RNGTT: variants seen among roughly 807,000 people sequenced by gnomAD.
The protein encoded by RNGTT is mRNA-capping enzyme.
Under a neutral mutation model 79.3 loss-of-function variants are expected in RNGTT, and 33 were observed. That is an observed-to-expected ratio of 0.42 (90% CI 0.32 to 0.56). The LOEUF (loss-of-function observed/expected upper bound fraction) is 0.56. RNGTT is among the 20% of genes least tolerant of loss of function. The probability of loss-of-function intolerance (pLI) is 0.17; values close to 1 mark genes in which losing one functional copy is unlikely to be tolerated. For missense variants in RNGTT, 497 were observed against 739.1 expected, an observed-to-expected ratio of 0.67 and a Z score of 3.80; for synonymous variants, 222 against 235.9, an observed-to-expected ratio of 0.94 and a Z score of 0.54.
intron 8 of RNGTT, among the ~76,000 whole-genome samples, chr6:88,861,536 C>T (rs1199756004): frequency 6.6e-6 from 1 of 151,940 alleles, no homozygotes; most frequent in Non-Finnish European, 1.5e-5. Flanking sequence ...TCTTTCAACT[C>T]TTTTTTTTAA....
intron 8 of RNGTT, among the ~76,000 whole-genome samples, chr6:88,873,314 A>G (rs2127922287): frequency 6.6e-6 from 1 of 152,306 alleles, no homozygotes; most frequent in Admixed American, 6.5e-5. Context: ...GAGAAAGATA[A>G]CTTTAAATAT....
chr6:88,771,190 T>A (rs1778645694), intron 12 of RNGTT, among the ~76,000 whole-genome samples: 1 of 150,974 alleles, frequency 6.6e-6, no homozygotes, highest in South Asian at 2.1e-4. Flanking sequence ...TCATTACAAT[T>A]TTCTACTATG....
chr6:88,742,271 C>A (rs1057260418), intron 13 of RNGTT, among the ~76,000 whole-genome samples: 2 of 152,144 alleles, frequency 1.3e-5, no homozygotes, highest in African/African-American at 4.8e-5. Context: ...AGAGAGAAAT[C>A]ACAGACAACT....
chr6:88,919,553 C>G (rs1375355219), intron 4 of RNGTT, among the ~76,000 whole-genome samples: 1 of 151,970 alleles, frequency 6.6e-6, no homozygotes, highest in African/African-American at 2.4e-5. Context: ...GTCTTGAACT[C>G]CTGGGCTCAA....
chr6:88,752,154 T>A (rs1476024835), intron 13 of RNGTT, among the ~76,000 whole-genome samples: 1 of 152,120 alleles, frequency 6.6e-6, no homozygotes, highest in East Asian at 1.9e-4. Context: ...GAAGCTGTCA[T>A]ATGCTAGAGG....
intron 7 of RNGTT, 107 bp from the exon 8 acceptor site, chr6:88,890,703 A>C (rs1783021998): frequency 1.6e-6 from 1 of 606,590 alleles, no homozygotes; most frequent in Admixed American, 3.4e-5. Context: ...TGTTCTCCCT[A>C]TGATGAGATT....
chr6:88,881,313 G>A (rs1027886563), intron 8 of RNGTT, among the ~76,000 whole-genome samples: 3 of 152,126 alleles, frequency 2.0e-5, no homozygotes, highest in African/African-American at 7.2e-5. Flanking sequence ...GGGGCAGGGG[G>A]CAGAGGGAGT....
chr6:88,730,343 T>C (rs1373216632), intron 13 of RNGTT, among the ~76,000 whole-genome samples: 1 of 152,086 alleles, frequency 6.6e-6, no homozygotes, highest in African/African-American at 2.4e-5. Flanking sequence ...ATTAGCCAAT[T>C]GGAATTAGTT....
At chr6:88,887,047 TAAAAA>T (rs754717516) in intron 8 of RNGTT, among the ~76,000 whole-genome samples, 4 of 83,492 alleles carry the variant, frequency 4.8e-5, no homozygotes, top group African/African-American at 1.3e-4. Flanking sequence ...ACAATTTCTT[TAAAAA>T]AAAAAAAAAA....
At chr6:88,621,652 C>T (rs1772446945) in intron 14 of RNGTT, among the ~76,000 whole-genome samples, 1 of 151,730 alleles carries the variant, frequency 6.6e-6, no homozygotes. Context: ...GGCATCTATT[C>T]CAGCACCACA....
At chr6:88,633,978 C>T (rs1582258329) in intron 14 of RNGTT, among the ~76,000 whole-genome samples, 3 of 152,270 alleles carry the variant, frequency 2.0e-5, no homozygotes, top group African/African-American at 7.2e-5. Context: ...CCTATTGCAT[C>T]ATATTCATCA....
intron 13 of RNGTT, among the ~76,000 whole-genome samples, chr6:88,718,664 T>C (rs1776605509): frequency 6.6e-6 from 1 of 152,078 alleles, no homozygotes. Flanking sequence ...ATTTTATTTC[T>C]TATTTGTATT....
At chr6:88,783,513 T>C (rs1779130576) in intron 12 of RNGTT, among the ~76,000 whole-genome samples, 1 of 152,166 alleles carries the variant, frequency 6.6e-6, no homozygotes, top group Admixed American at 6.5e-5. Flanking sequence ...TCAAGCTGTA[T>C]GCCCTAAATA....
intron 13 of RNGTT, among the ~76,000 whole-genome samples, chr6:88,729,487 T>TA (rs2127818908): frequency 6.6e-6 from 1 of 150,870 alleles, no homozygotes; most frequent in African/African-American, 2.4e-5. Flanking sequence ...CCAAGGGGAG[T>TA]ACCAGATCAA....
intron 14 of RNGTT, among the ~76,000 whole-genome samples, chr6:88,677,620 C>T (rs143203767): frequency 3.3e-5 from 5 of 151,768 alleles, no homozygotes; most frequent in African/African-American, 4.8e-5. Context: ...CCATGGCCAG[C>T]GAAATTTTTT....
Position 88,619,324 on chromosome 6 carries a change from C to A in RNGTT, c.1507-4929G>T, listed in dbSNP as rs73492447. Among the ~76,000 whole-genome samples the A allele has an allele frequency of 1.8e-3, 271 of 152,236 alleles. 1 individual carries two copies. Among genetic ancestry groups the A allele is most frequent in the African/African-American group, 6.4e-3 (266 of 41,544 alleles). On this transcript the variant is annotated intron_variant, in intron 14 of 15. Coordinates refer to ENST00000369485, the MANE Select transcript of RNGTT (RefSeq NM_003800.5). ...GAGACCACAGTTGTGCACTACCACA[C>A]CTGGCTAATATTGCAATTTTTTTTG...
At chr6:88,656,508 A>G (rs1427676076) in intron 14 of RNGTT, among the ~76,000 whole-genome samples, 1 of 152,206 alleles carries the variant, frequency 6.6e-6, no homozygotes, top group Non-Finnish European at 1.5e-5. Flanking sequence ...TTTGGTTAAT[A>G]GAAAACTTGA....
chr6:88,906,951 G>A (rs1482990054), intron 4 of RNGTT, among the ~76,000 whole-genome samples: 4 of 151,944 alleles, frequency 2.6e-5, no homozygotes, highest in Non-Finnish European at 5.9e-5. Flanking sequence ...ATTCATATGG[G>A]GCCTGATACT....
intron 13 of RNGTT, among the ~76,000 whole-genome samples, chr6:88,763,172 G>A (rs1236960206): frequency 6.7e-6 from 1 of 149,040 alleles, no homozygotes; most frequent in Admixed American, 6.8e-5. Flanking sequence ...CAAACTCCTG[G>A]ACTCAAGCAC....
Sources: gnomAD v4.1 joint callset for allele counts (sites outside exome capture counted in the v4.1 genomes callset) on GRCh38, gnomAD v4.1.1 for gene constraint, MANE v1.5 for transcripts, NCBI Gene and HGNC (gene_info 2026-07-23, HGNC 2026-07-21) for gene names.